ZFP62: variants seen among roughly 807,000 people sequenced by gnomAD.
The protein encoded by ZFP62 is ZFP62 zinc finger protein, also known as zinc finger protein 62 homolog.
A neutral mutation model predicts 56.4 loss-of-function variants in ZFP62; 44 were observed. That is an observed-to-expected ratio of 0.78 (90% CI 0.61 to 1.00). The LOEUF is 1.00. Ranked by LOEUF, ZFP62 falls within the 50% of genes least tolerant of loss-of-function variation. The pLI is 0.00. For missense variants in ZFP62, 1,030 were observed against 1,085.7 expected (o/e 0.95, Z 0.72); for synonymous variants, 421 against 388.9 (o/e 1.08, Z -0.97).
Position 180,851,424 on chromosome 5 carries a change from G to C in ZFP62, c.71C>G (p.Ala24Gly), listed in dbSNP as rs915368480. The C allele has an allele frequency of 4.5e-6, 7 of 1,551,326 alleles. No individual in the cohort carries two copies. Among genetic ancestry groups the C allele is most frequent in the Middle Eastern group, 1.7e-4 (1 of 6,014 alleles). Reference sequence around the variant, plus strand: ...ATCCTCCACTTTTGGCCACTTAGATGCTGCATTTCCAACATTTTCATATTC... The same window carrying C: ...ATCCTCCACTTTTGGCCACTTAGATCCTGCATTTCCAACATTTTCATATTC... ...TEEYENVGNAASKWPKVEDPM... is the reference protein window; with the variant it reads ...TEEYENVGNAGSKWPKVEDPM... The change falls in exon 2 of 2, where the codon GCA (alanine) becomes GGA (glycine). Residue 24 changes from alanine to glycine, a missense_variant. Ala to Gly is a moderately conservative substitution (Grantham distance 60). Transcript: ENST00000502412.
chr5:180,850,062 T>A lies in ZFP62; in HGVS notation c.1433A>T (p.Lys478Met), dbSNP rs1773609326. Residue 478 changes from lysine to methionine, a missense_variant, in exon 2 of 2, where the codon AAG (lysine) becomes ATG (methionine). Transcript: ENST00000502412. ...RRLHTGEKPYKCDVCGKAYIS... is the reference protein window; with the variant it reads ...RRLHTGEKPYMCDVCGKAYIS... ...ATAGGCTTTCCCACACACATCACACTTATATGGTTTTTCCCCAGTATGGAG... is the reference window on the plus strand; with the variant it reads ...ATAGGCTTTCCCACACACATCACACATATATGGTTTTTCCCCAGTATGGAG... The A allele has an allele frequency of 1.3e-6, 2 of 1,551,728 alleles. No individual in the cohort carries two copies. Among genetic ancestry groups the A allele is most frequent in the Non-Finnish European group, 1.7e-6 (2 of 1,147,108 alleles).
Position 180,847,820 on chromosome 5 carries a change from C to T in ZFP62, c.*972G>A. ...AGGATTATTAAGAAACATTAATTTC[C>T]TTCTCTCTAGATGACTGGTACTTTA... On this transcript the variant is annotated 3_prime_UTR_variant, in exon 2 of 2. Coordinates refer to ENST00000502412, the MANE Select transcript of ZFP62 (RefSeq NM_001172638.2). 1.0e-6 allele frequency: 1 copy of T among 985,418 alleles called. No homozygotes were observed. The highest frequency in any genetic ancestry group is 1.2e-6 in the Non-Finnish European group (1 of 829,922). The allele number at this position is 985,418 out of a possible 1,614,324, so 61.0% of individuals were successfully genotyped here. A position where few individuals can be genotyped will look rare whatever the true frequency, so the allele number is the denominator to read the frequency against.
chr5:180,851,427 G>A lies in ZFP62; in HGVS notation c.68C>T (p.Ala23Val), dbSNP rs1176454381. The A allele has an allele frequency of 1.3e-6, 2 of 1,551,424 alleles. No homozygotes were observed. The highest frequency in any genetic ancestry group is 8.7e-7 in the Non-Finnish European group (1 of 1,146,928). ...PTEEYENVGN[A>V]ASKWPKVEDP... ...CTCCACTTTTGGCCACTTAGATGCT[G>A]CATTTCCAACATTTTCATATTCTTC... The change falls in exon 2 of 2, where the codon GCA (alanine) becomes GTA (valine). Residue 23 changes from alanine to valine, a missense_variant. By Grantham distance (64) the Ala-to-Val change is moderately conservative (BLOSUM62 0). Coordinates refer to ENST00000502412, the MANE Select transcript of ZFP62 (RefSeq NM_001172638.2).
intron 1 of ZFP62, among the ~76,000 whole-genome samples, chr5:180,856,702 C>T (rs1026212810): frequency 2.0e-5 from 3 of 151,252 alleles, no homozygotes; most frequent in Non-Finnish European, 4.4e-5. Context: ...CGCCTGTAAT[C>T]CCAGCACTTT....
At chr5:180,840,747 G>A in the ZFP62 span, among the ~76,000 whole-genome samples, 19 of 151,738 alleles carry the variant, frequency 1.3e-4, no homozygotes, top group Admixed American at 1.2e-3. Context: ...GCGACAGAGC[G>A]AGAATCTGCC....
chr5:180,849,273 C>T lies in ZFP62; in HGVS notation c.2222G>A (p.Ser741Asn), dbSNP rs1293558641. The part of the protein sequence containing the change: ...CVECGKSFSY[S>N]SLLSQHKRIH... ...CCTCTTGTGCTGAGAAAGGAGAGAG[C>T]TGTAACTGAAAGATTTCCCACACTC... Residue 741 changes from serine to asparagine, a missense_variant, in exon 2 of 2, where the codon AGC becomes AAC. Transcript: ENST00000502412. 2 of 1,553,442 alleles carry T rather than the reference C, an allele frequency of 1.3e-6. No homozygotes were observed. The highest frequency in any genetic ancestry group is 2.0e-5 in the Admixed American group (1 of 51,064).
At chr5:180,845,326 T>TA (rs772922940), downstream of ZFP62, among the ~76,000 whole-genome samples, 49 of 32,826 alleles carry the variant, frequency 1.5e-3, 14 homozygotes, top group African/African-American at 4.8e-3. Flanking sequence ...GAGACCGTCT[T>TA]AAAAAAAAAA....
At chr5:180,832,722 A>T in the ZFP62 span, 1 of 152,322 alleles carries the variant, frequency 6.6e-6, no homozygotes, top group African/African-American at 2.4e-5. Flanking sequence ...CTGAAACAGC[A>T]GTTCTCAAAA....
At chr5:180,844,432 C>G (rs1176658559), downstream of ZFP62, among the ~76,000 whole-genome samples, 1 of 152,200 alleles carries the variant, frequency 6.6e-6, no homozygotes, top group Non-Finnish European at 1.5e-5. Context: ...TACTTATCCT[C>G]TGAGATCTTA....
chr5:180,857,562 G>A (rs576161904), intron 1 of ZFP62, among the ~76,000 whole-genome samples: 18 of 152,230 alleles, frequency 1.2e-4, no homozygotes, highest in African/African-American at 3.9e-4. Context: ...GCAATGGCAC[G>A]TCTCAGCACA....
intron 1 of ZFP62, among the ~76,000 whole-genome samples, chr5:180,855,235 T>C (rs1317324622): frequency 2.6e-5 from 4 of 152,240 alleles, no homozygotes; most frequent in African/African-American, 9.6e-5. Context: ...GTTCGTATTC[T>C]TGAATTTTTT....
Position 180,850,354 on chromosome 5 carries a change from T to A in ZFP62, c.1141A>T (p.Ile381Leu). ...GKAFRNSSGL[I>L]VHKRIHTGEK... is the part of the protein sequence containing the mutation. ...CCTGTGTGGATCCTTTTATGCACTA[T>A]GAGGCCTGAGCTGTTCCTGAAAGCC... Residue 381 changes from isoleucine to leucine, a missense_variant, in exon 2 of 2, where the codon ATA becomes TTA. Coordinates refer to ENST00000502412, the MANE Select transcript of ZFP62 (RefSeq NM_001172638.2). 6.4e-7 allele frequency: 1 copy of A among 1,568,576 alleles called. No homozygotes were observed. Among genetic ancestry groups the A allele is most frequent in the South Asian group, 1.2e-5 (1 of 85,196 alleles).
At chr5:180,853,272 G>A (rs534822585) in intron 1 of ZFP62, among the ~76,000 whole-genome samples, 8 of 152,352 alleles carry the variant, frequency 5.3e-5, no homozygotes, top group African/African-American at 1.9e-4. Context: ...TTGATATGGA[G>A]CAATCTGTAT....
rs1010569359 is a variant in ZFP62 at position 180,850,401 on chromosome 5, T to A, written c.1094A>T (p.Tyr365Phe). Residue 365 changes from tyrosine (Y) to phenylalanine (F), a missense_variant, in exon 2 of 2, where the codon TAT becomes TTT. Transcript: ENST00000502412. ...HKVIHTGEKP[Y>F]ECDECGKAFR... ...AGCCTTCCCACATTCATCACATTCA[T>A]AAGGTTTCTCTCCAGTGTGGATGAC... 13 of 1,560,392 alleles carry A rather than the reference T, an allele frequency of 8.3e-6. No homozygotes were observed. Among genetic ancestry groups the A allele is most frequent in the Admixed American group, 3.9e-5 (2 of 51,662 alleles).
At chr5:180,827,969 G>C in the ZFP62 span, among the ~76,000 whole-genome samples, 43 of 152,272 alleles carry the variant, frequency 2.8e-4, no homozygotes, top group Non-Finnish European at 5.0e-4. Context: ...AAAGACCTTT[G>C]TTCACGTGTT....
chr5:180,836,859 T>A, the ZFP62 span, among the ~76,000 whole-genome samples: 6 of 152,242 alleles, frequency 3.9e-5, no homozygotes, highest in Admixed American at 3.9e-4. Flanking sequence ...TCAATTAATT[T>A]CCTGTAAGAA....
In ZFP62 at chr5:180,848,436, C is replaced by T; in HGVS notation, c.*356G>A. The T allele has an allele frequency of 3.9e-6, 4 of 1,012,686 alleles. No individual in the cohort carries two copies. Among genetic ancestry groups the T allele is most frequent in the Non-Finnish European group, 4.7e-6 (4 of 848,088 alleles). 62.7% of individuals were successfully genotyped at this position (1,012,686 alleles called of 1,614,324 possible). On this transcript the variant is annotated 3_prime_UTR_variant, in exon 2 of 2. Coordinates refer to ENST00000502412, the MANE Select transcript of ZFP62 (RefSeq NM_001172638.2). ...CTACATTTCTAGTAACAGAATTTACCAAACATGAACTTTCTGATGGTGATT... is the reference window on the plus strand; with the variant it reads ...CTACATTTCTAGTAACAGAATTTACTAAACATGAACTTTCTGATGGTGATT...
In ZFP62 at chr5:180,850,102, T is replaced by C. The variant is rs1424590562; in HGVS notation, c.1393A>G (p.Lys465Glu). ...GKTFRNNAGLKVHRRLHTGEK... is the reference protein window; with the variant it reads ...GKTFRNNAGLEVHRRLHTGEK... ...CCAGTATGGAGCCTCCTGTGGACTT[T>C]GAGGCCTGCATTGTTTCTGAACGTT... Residue 465 changes from lysine (K) to glutamate (E), a missense_variant, in exon 2 of 2, where the codon AAA becomes GAA. Coordinates refer to ENST00000502412, the MANE Select transcript of ZFP62 (RefSeq NM_001172638.2). 6.4e-7 allele frequency: 1 copy of C among 1,551,664 alleles called. No homozygotes were observed. The highest frequency in any genetic ancestry group is 1.4e-5 in the African/African-American group (1 of 73,038).
chr5:180,852,903 C>G (rs1043618018), intron 1 of ZFP62, among the ~76,000 whole-genome samples: 2 of 152,222 alleles, frequency 1.3e-5, no homozygotes, highest in African/African-American at 4.8e-5. Context: ...CACTTCTCAC[C>G]TGTCATATTA....
Sources: gnomAD v4.1 joint callset for allele counts (sites outside exome capture counted in the v4.1 genomes callset) on GRCh38, gnomAD v4.1.1 for gene constraint, MANE v1.5 for transcripts, NCBI Gene and HGNC (gene_info 2026-07-23, HGNC 2026-07-21) for gene names.